The following SLC26A7 variants were observed in gnomAD, a reference collection of about 807,000 sequenced individuals.
SLC26A7 encodes the protein solute carrier family 26 member 7, also known as anion exchange transporter.
A neutral mutation model predicts 82.5 loss-of-function variants in SLC26A7; 59 were observed. The observed-to-expected ratio is 0.72, with a 90% confidence interval of 0.58 to 0.89. The LOEUF (loss-of-function observed/expected upper bound fraction) is 0.89, where lower values mean the gene tolerates loss of function less well. Among genes scored for constraint, SLC26A7 ranks in the 40% least tolerant of loss-of-function variants. The pLI is 0.00. For missense variants in SLC26A7, 820 were observed against 793.0 expected (o/e 1.03, Z -0.41); for synonymous variants, 271 against 274.3 (o/e 0.99, Z 0.12).
chr8:91,294,266 ATTAT>A (rs1485902886), intron 3 of SLC26A7, among the ~76,000 whole-genome samples: 1 of 152,224 alleles, frequency 6.6e-6, no homozygotes, highest in African/African-American at 2.4e-5. Context: ...GCTATATTAC[ATTAT>A]TTAAGCCTCA....
intron 9 of SLC26A7, among the ~76,000 whole-genome samples, chr8:91,350,354 T>C (rs1035302168): frequency 6.6e-6 from 1 of 152,012 alleles, no homozygotes; most frequent in Admixed American, 6.6e-5. Flanking sequence ...TTTCTTTTTT[T>C]TTTTAAATTA....
intron 15 of SLC26A7, among the ~76,000 whole-genome samples, chr8:91,377,844 T>C (rs1814560001): frequency 1.3e-5 from 2 of 152,192 alleles, no homozygotes; most frequent in Admixed American, 1.3e-4. Context: ...CCCTGCTTCC[T>C]CCATTAGGAT....
intron 11 of SLC26A7, among the ~76,000 whole-genome samples, chr8:91,355,683 A>C (rs1331183178): frequency 6.6e-6 from 1 of 151,488 alleles, no homozygotes; most frequent in East Asian, 1.9e-4. Context: ...CTGAGATTAT[A>C]TTGCCTATTA....
At chr8:91,355,217 C>A (rs574067896) in intron 11 of SLC26A7, among the ~76,000 whole-genome samples, 2 of 152,094 alleles carry the variant, frequency 1.3e-5, no homozygotes, top group Non-Finnish European at 2.9e-5. Context: ...GAAGTTTTTT[C>A]TTCTTACTAC....
At chr8:91,214,834 G>T (rs1810009924) in intron 1 of SLC26A7, among the ~76,000 whole-genome samples, 2 of 150,562 alleles carry the variant, frequency 1.3e-5, no homozygotes, top group Non-Finnish European at 3.0e-5. Flanking sequence ...CAGTCAAGTA[G>T]ATCAGAAATT....
chr8:91,241,979 A>G (rs1810480091), intron 2 of SLC26A7, among the ~76,000 whole-genome samples: 1 of 152,204 alleles, frequency 6.6e-6, no homozygotes, highest in Non-Finnish European at 1.5e-5. Flanking sequence ...CTACATGTCA[A>G]ACACTATTTG....
At chr8:91,271,336 C>T (rs1811261504) in intron 2 of SLC26A7, among the ~76,000 whole-genome samples, 1 of 152,058 alleles carries the variant, frequency 6.6e-6, no homozygotes, top group Admixed American at 6.6e-5. Context: ...GGGATTGTAG[C>T]CTATTTTTTA....
At chr8:91,291,966 C>G (rs1356397465) in intron 3 of SLC26A7, among the ~76,000 whole-genome samples, 1 of 152,118 alleles carries the variant, frequency 6.6e-6, no homozygotes, top group Non-Finnish European at 1.5e-5. Context: ...CTGGGCTTTC[C>G]TATTAGTTTT....
At chr8:91,320,839 C>T (rs1005154634) in intron 5 of SLC26A7, among the ~76,000 whole-genome samples, 1 of 152,170 alleles carries the variant, frequency 6.6e-6, no homozygotes, top group Non-Finnish European at 1.5e-5. Flanking sequence ...TATATCCTTT[C>T]AGAAAGTAAT....
chr8:91,210,311 T>C (rs1809885423), intron 1 of SLC26A7, among the ~76,000 whole-genome samples: 2 of 152,176 alleles, frequency 1.3e-5, no homozygotes, highest in African/African-American at 4.8e-5. Context: ...CTTCTGTCTC[T>C]TTTTTCCTGC....
chr8:91,302,487 C>CT (rs1812193917), intron 4 of SLC26A7, among the ~76,000 whole-genome samples: 2 of 152,060 alleles, frequency 1.3e-5, no homozygotes, highest in South Asian at 4.1e-4. Context: ...ACAAAGTGCA[C>CT]TTATACAACC....
chr8:91,368,206 C>T (rs1208117109), intron 14 of SLC26A7, among the ~76,000 whole-genome samples: 1 of 152,138 alleles, frequency 6.6e-6, no homozygotes, highest in Admixed American at 6.5e-5. Flanking sequence ...AACATGTTTA[C>T]TCTACCTTGA....
At chr8:91,235,559 A>G (rs1191679093) in intron 2 of SLC26A7, among the ~76,000 whole-genome samples, 1 of 152,206 alleles carries the variant, frequency 6.6e-6, no homozygotes, top group Non-Finnish European at 1.5e-5. Context: ...GTCTGGGGGA[A>G]GAGAAAACTG....
At chr8:91,359,123 A>G (rs536039709) in intron 11 of SLC26A7, among the ~76,000 whole-genome samples, 38 of 152,356 alleles carry the variant, frequency 2.5e-4, no homozygotes, top group Admixed American at 1.7e-3. Context: ...AGTATGGCAA[A>G]TGGTTTACAA....
At chr8:91,366,792 AAAT>A in intron 14 of SLC26A7, 75 bp downstream of exon 14, 1 of 1,478,148 alleles carries the variant, frequency 6.8e-7, no homozygotes, top group Non-Finnish European at 9.1e-7. Context: ...TGTATCAAGT[AAAT>A]AATAATACAT....
chr8:91,391,918 G>A (rs1814981601), intron 16 of SLC26A7, among the ~76,000 whole-genome samples: 1 of 152,042 alleles, frequency 6.6e-6, no homozygotes, highest in Non-Finnish European at 1.5e-5. Context: ...ATTACAAACA[G>A]GACTTAGGGT....
At chr8:91,241,269 T>C (rs540376051) in intron 2 of SLC26A7, among the ~76,000 whole-genome samples, 13 of 152,186 alleles carry the variant, frequency 8.5e-5, no homozygotes, top group African/African-American at 2.9e-4. Context: ...CTCAATGAAA[T>C]AAAAAATTAC....
chr8:91,263,041 C>T (rs28649975), intron 2 of SLC26A7, among the ~76,000 whole-genome samples: 15,625 of 151,828 alleles, frequency 0.1, 920 homozygotes, highest in Middle Eastern at 0.2. Flanking sequence ...GTATTAAAAC[C>T]AATTCTATCT....
intron 5 of SLC26A7, among the ~76,000 whole-genome samples, chr8:91,323,888 G>A (rs1257303462): frequency 6.9e-6 from 1 of 144,524 alleles, no homozygotes; most frequent in Admixed American, 7.2e-5. Flanking sequence ...GTGCCATCTC[G>A]GCTCACTGCA....
Sources: gnomAD v4.1 joint callset for allele counts (sites outside exome capture counted in the v4.1 genomes callset) on GRCh38, gnomAD v4.1.1 for gene constraint, MANE v1.5 for transcripts, NCBI Gene and HGNC (gene_info 2026-07-23, HGNC 2026-07-21) for gene names.